Variants in CNTNAP2 observed in about 807,000 individuals in gnomAD.
CNTNAP2 encodes the protein contactin associated protein 2.
Under a neutral mutation model 155.2 loss-of-function variants are expected in CNTNAP2, and 98 were observed. The observed-to-expected ratio is 0.63, with a 90% CI of 0.54 to 0.75. The LOEUF (loss-of-function observed/expected upper bound fraction) is 0.75. Among genes scored for constraint, CNTNAP2 ranks in the 30% least tolerant of loss-of-function variants. The pLI is 0.00. For synonymous variants in CNTNAP2, 651 were observed against 631.2 expected, an observed-to-expected ratio of 1.03 and a Z score of -0.47; for missense variants, 1,727 against 1,688.1, an observed-to-expected ratio of 1.02 and a Z score of -0.40.
At chr7:148,269,523 C>T (rs1337450236) in intron 21 of CNTNAP2, among the ~76,000 whole-genome samples, 1 of 152,170 alleles carries the variant, frequency 6.6e-6, no homozygotes, top group Non-Finnish European at 1.5e-5. Context: ...AATGAGATCC[C>T]TGATTATGAA....
intron 11 of CNTNAP2, among the ~76,000 whole-genome samples, chr7:147,534,988 T>C (rs1210130824): frequency 1.3e-5 from 2 of 152,072 alleles, no homozygotes; most frequent in Non-Finnish European, 2.9e-5. Flanking sequence ...GCCTGACTCT[T>C]CCCTGCCATT....
chr7:148,082,687 T>C (rs908499880), intron 15 of CNTNAP2, among the ~76,000 whole-genome samples: 2 of 152,102 alleles, frequency 1.3e-5, no homozygotes, highest in African/African-American at 4.8e-5. Flanking sequence ...TTCTTTCTTT[T>C]TTTTTGTTTT....
intron 1 of CNTNAP2, among the ~76,000 whole-genome samples, chr7:146,747,875 T>C (rs1038217090): frequency 6.6e-6 from 1 of 152,142 alleles, no homozygotes; most frequent in Non-Finnish European, 1.5e-5. Context: ...ATTGATGAAA[T>C]TTTTTCAACT....
intron 4 of CNTNAP2, among the ~76,000 whole-genome samples, chr7:147,063,153 G>A (rs74973255): frequency 0.029 from 4,348 of 152,158 alleles, 203 homozygotes; most frequent in African/African-American, 0.099. Flanking sequence ...TAGCAGAACC[G>A]TATTGGATTT....
chr7:147,571,287 C>T (rs1329793592), intron 12 of CNTNAP2, among the ~76,000 whole-genome samples: 3 of 115,698 alleles, frequency 2.6e-5, no homozygotes, highest in African/African-American at 1.0e-4. Context: ...CACCCCACAA[C>T]AGTCCCCAGA....
intron 22 of CNTNAP2, among the ~76,000 whole-genome samples, chr7:148,396,602 A>C (rs116356902): frequency 0.011 from 1,624 of 152,292 alleles, 33 homozygotes; most frequent in African/African-American, 0.037. Flanking sequence ...ACAGTTGCAG[A>C]AGCATTATCC....
intron 15 of CNTNAP2, among the ~76,000 whole-genome samples, chr7:148,064,206 C>T (rs1803211054): frequency 6.6e-6 from 1 of 151,878 alleles, no homozygotes; most frequent in Non-Finnish European, 1.5e-5. Flanking sequence ...TTGCTTTGGC[C>T]ATGTGGGCTC....
intron 14 of CNTNAP2, among the ~76,000 whole-genome samples, chr7:147,940,510 T>C (rs1198148919): frequency 6.6e-6 from 1 of 151,970 alleles, no homozygotes; most frequent in African/African-American, 2.4e-5. Flanking sequence ...AGAGATTCTT[T>C]CATTATTTCT....
chr7:147,196,308 A>T (rs1308572703), intron 8 of CNTNAP2, among the ~76,000 whole-genome samples: 1 of 152,240 alleles, frequency 6.6e-6, no homozygotes, highest in Non-Finnish European at 1.5e-5. Context: ...TTAGATCAGA[A>T]TGACAACTAT....
chr7:147,227,630 T>C (rs952884745), intron 8 of CNTNAP2, among the ~76,000 whole-genome samples: 1 of 152,164 alleles, frequency 6.6e-6, no homozygotes, highest in African/African-American at 2.4e-5. Context: ...TTTTTGGTTT[T>C]TGCCCTGGAG....
At chr7:146,716,772 G>A (rs2129176294) in intron 1 of CNTNAP2, among the ~76,000 whole-genome samples, 1 of 152,300 alleles carries the variant, frequency 6.6e-6, no homozygotes, top group Middle Eastern at 3.4e-3. Flanking sequence ...ATGTGAGCAT[G>A]CTTTGCAATC....
intron 8 of CNTNAP2, among the ~76,000 whole-genome samples, chr7:147,185,554 T>C (rs1360458855): frequency 6.6e-6 from 1 of 152,202 alleles, no homozygotes; most frequent in African/African-American, 2.4e-5. Context: ...TATGACCCAG[T>C]GTTAAGACTG....
rs532902527 is a variant in CNTNAP2 at position 147,272,724 on chromosome 7, C to A, written c.1349-27417C>A. On this transcript the variant is annotated intron_variant, in intron 8 of 23. Transcript: ENST00000361727. ...GGGTTTCACCGTGTTAGCCAGGATG[C>A]TCTCGATCTCCTGACATCATGATCC... 2.7e-4 allele frequency among the ~76,000 whole-genome samples: 40 copies of A among 149,826 alleles called. No homozygotes were observed. The South Asian group carries it at 8.0e-3, about 30-fold the overall frequency.
chr7:146,389,314 G>C (rs1206742286), intron 1 of CNTNAP2, among the ~76,000 whole-genome samples: 1 of 151,736 alleles, frequency 6.6e-6, no homozygotes, highest in African/African-American at 2.4e-5. Flanking sequence ...CTGTGTTTTA[G>C]TTTTGCTTCA....
At chr7:147,824,375 G>A (rs1798412570) in intron 13 of CNTNAP2, among the ~76,000 whole-genome samples, 1 of 152,168 alleles carries the variant, frequency 6.6e-6, no homozygotes, top group Non-Finnish European at 1.5e-5. Flanking sequence ...TGAGAAGCTA[G>A]TAAGCCTTGC....
chr7:146,580,079 A>G (rs149837369), intron 1 of CNTNAP2, among the ~76,000 whole-genome samples: 1 of 152,264 alleles, frequency 6.6e-6, no homozygotes, highest in East Asian at 1.9e-4. Context: ...ATTTTCAGTA[A>G]GCAGTTAAAA....
At chr7:146,479,066 G>A (rs1055263297) in intron 1 of CNTNAP2, among the ~76,000 whole-genome samples, 1 of 152,148 alleles carries the variant, frequency 6.6e-6, no homozygotes, top group Non-Finnish European at 1.5e-5. Context: ...CTGACTGGTA[G>A]GTGATGATAG....
chr7:147,571,827 C>G (rs1584822290), intron 12 of CNTNAP2, among the ~76,000 whole-genome samples: 1 of 152,176 alleles, frequency 6.6e-6, no homozygotes, highest in South Asian at 2.1e-4. Flanking sequence ...ATTTTTATTT[C>G]TTTCTCATCA....
intron 1 of CNTNAP2, among the ~76,000 whole-genome samples, chr7:146,693,062 G>A (rs929705905): frequency 3.5e-4 from 53 of 152,018 alleles, no homozygotes; most frequent in Non-Finnish European, 1.2e-4. Flanking sequence ...GAGTAATCTT[G>A]AAGAAATCAC....
Sources: gnomAD v4.1 joint callset for allele counts (sites outside exome capture counted in the v4.1 genomes callset) on GRCh38, gnomAD v4.1.1 for gene constraint, MANE v1.5 for transcripts, NCBI Gene and HGNC (gene_info 2026-07-23, HGNC 2026-07-21) for gene names.